TMEM132D: variants seen among roughly 807,000 people sequenced by gnomAD.
TMEM132D encodes mature OL transmembrane protein.
Under a neutral mutation model 62.3 loss-of-function variants are expected in TMEM132D, and 21 were observed. The observed-to-expected ratio is 0.34, with a 90% CI of 0.24 to 0.49. The LOEUF (loss-of-function observed/expected upper bound fraction) is 0.49, where lower values mean the gene tolerates loss of function less well. Among genes scored for constraint, TMEM132D ranks in the 20% least tolerant of loss-of-function variants. The pLI is 0.99. For missense variants in TMEM132D, 1,346 were observed against 1,402.8 expected (o/e 0.96, Z 0.65); for synonymous variants, 621 against 575.6 (o/e 1.08, Z -1.13).
At chr12:129,458,787 C>T (rs918349987) in intron 3 of TMEM132D, among the ~76,000 whole-genome samples, 2 of 152,132 alleles carry the variant, frequency 1.3e-5, no homozygotes, top group Non-Finnish European at 2.9e-5. Context: ...GGAACACACA[C>T]GTAAATCAGC....
intron 2 of TMEM132D, among the ~76,000 whole-genome samples, chr12:129,555,148 T>A (rs766905974): frequency 6.6e-6 from 1 of 152,196 alleles, no homozygotes; most frequent in Non-Finnish European, 1.5e-5. Context: ...CATTTCCACG[T>A]TGGAAAAGGA....
chr12:129,307,914 C>CTAT (rs1346577608), intron 4 of TMEM132D, among the ~76,000 whole-genome samples: 1 of 152,204 alleles, frequency 6.6e-6, no homozygotes, highest in East Asian at 1.9e-4. Context: ...CACATCCTAA[C>CTAT]TATTACACTA....
At position 129,529,441 on chromosome 12, in the gene TMEM132D, G is replaced by GC. The variant is rs914501779; in HGVS notation, c.1115+1617dup. On this transcript the variant is annotated intron_variant, in intron 3 of 8. Transcript: ENST00000422113. Reference sequence around the variant, plus strand: ...TTCAATGGGAAGGAGCCACCATTGGGCCCCCCCATGCTCTCTCTCTGTGTC... The same window carrying GC: ...TTCAATGGGAAGGAGCCACCATTGGGCCCCCCCCATGCTCTCTCTCTGTGTC... Among the ~76,000 whole-genome samples the GC allele has an allele frequency of 3.9e-5, 6 of 152,204 alleles. No homozygotes were observed. The East Asian group carries it at 7.7e-4, about 20-fold the overall frequency.
rs536058947 is a variant in TMEM132D at position 129,658,474 on chromosome 12, T to C, written c.968+41336A>G. On this transcript the variant is annotated intron_variant, in intron 2 of 8. Transcript: ENST00000422113. ...TAAATGCGGCCTCTACAAACAAGCA[T>C]TTACAGACTAGATTAGCAAACACCA... is the stretch of plus-strand genomic sequence containing the variant. Among the ~76,000 whole-genome samples, 14 of 152,250 alleles carry C rather than the reference T, an allele frequency of 9.2e-5. No individual in the cohort carries two copies. In the South Asian group the frequency reaches 2.7e-3, roughly 29 times the overall value.
intron 3 of TMEM132D, among the ~76,000 whole-genome samples, chr12:129,380,669 C>T (rs1255203869): frequency 1.3e-5 from 2 of 152,016 alleles, no homozygotes; most frequent in African/African-American, 4.8e-5. Context: ...CAGTTCTATC[C>T]CCACAAGGCT....
At chr12:129,680,288 G>T (rs1481973611) in intron 2 of TMEM132D, among the ~76,000 whole-genome samples, 1 of 152,036 alleles carries the variant, frequency 6.6e-6, no homozygotes, top group African/African-American at 2.4e-5. Context: ...ATACATCCTT[G>T]GATGATCTCT....
chr12:129,752,321 G>A (rs1289031665), intron 1 of TMEM132D, among the ~76,000 whole-genome samples: 1 of 152,196 alleles, frequency 6.6e-6, no homozygotes, highest in East Asian at 1.9e-4. Flanking sequence ...CTCCAAGAGT[G>A]TGAGACTTAA....
rs186738533 is a variant in TMEM132D at position 129,893,010 on chromosome 12, G to C, written c.79+10251C>G. Among the ~76,000 whole-genome samples the C allele has an allele frequency of 1.1e-3, 163 of 152,184 alleles. 1 individual carries two copies. Among genetic ancestry groups the C allele is most frequent in the African/African-American group, 3.8e-3 (156 of 41,522 alleles). On this transcript the variant is annotated intron_variant, in intron 1 of 8. Coordinates refer to ENST00000422113, the MANE Select transcript of TMEM132D (RefSeq NM_133448.3). Reference sequence around the variant, plus strand: ...TCCTGCCTCAGCCTTCTGAGTAGCTGGCACTACAGGCACATGGCACCACGC... The same window carrying C: ...TCCTGCCTCAGCCTTCTGAGTAGCTCGCACTACAGGCACATGGCACCACGC...
chr12:129,521,957 G>A (rs1040157388), intron 3 of TMEM132D: 2 of 151,866 alleles, frequency 1.3e-5, no homozygotes, highest in South Asian at 2.1e-4. Context: ...TTGCAGTGAC[G>A]GCTGAACAAC....
At chr12:129,746,092 T>C (rs1869767398) in intron 1 of TMEM132D, among the ~76,000 whole-genome samples, 1 of 152,134 alleles carries the variant, frequency 6.6e-6, no homozygotes, top group Non-Finnish European at 1.5e-5. Context: ...CAAAAGCCAA[T>C]GAATCCACTT....
intron 5 of TMEM132D, among the ~76,000 whole-genome samples, chr12:129,209,164 T>C (rs976881949): frequency 6.6e-6 from 1 of 152,184 alleles, no homozygotes; most frequent in Non-Finnish European, 1.5e-5. Flanking sequence ...ATCTAGGTTC[T>C]AGGGCTCCTT....
At chr12:129,385,085 CTTTTTTTTTTTTT>C (rs869098367) in intron 3 of TMEM132D, among the ~76,000 whole-genome samples, 2 of 86,892 alleles carry the variant, frequency 2.3e-5, no homozygotes, top group Middle Eastern at 6.8e-3. Context: ...TGTTAAAGTT[CTTTTTTTTTTTTT>C]TTTTTTTTTT....
At chr12:129,852,668 CA>C (rs1873584884) in intron 1 of TMEM132D, 1 of 152,188 alleles carries the variant, frequency 6.6e-6, no homozygotes, top group African/African-American at 2.4e-5. Flanking sequence ...GCAGTCAGAT[CA>C]GGGGTGATCT....
chr12:129,437,730 CT>C (rs111440235), intron 3 of TMEM132D, among the ~76,000 whole-genome samples: 61,053 of 147,392 alleles, frequency 0.41, 12,476 homozygotes, highest in South Asian at 0.55. Flanking sequence ...ATGCTCATTT[CT>C]TTTTTTTTTT....
In TMEM132D at chr12:129,236,844, A is replaced by G. The variant is rs535966595; in HGVS notation, c.1300-27181T>C. 9.2e-5 allele frequency among the ~76,000 whole-genome samples: 14 copies of G among 152,256 alleles called. No homozygotes were observed. In the South Asian group the frequency reaches 1.2e-3, roughly 14 times the overall value. On this transcript the variant is annotated intron_variant, in intron 4 of 8. Transcript: ENST00000422113. Reference sequence around the variant, plus strand: ...TGTGTTTAGATTTTCACCCTTGAGTATGATGTTAGTTGTGAGTTTTTCATA... The same window carrying G: ...TGTGTTTAGATTTTCACCCTTGAGTGTGATGTTAGTTGTGAGTTTTTCATA...
chr12:129,207,214 C>T (rs866657809), intron 5 of TMEM132D, among the ~76,000 whole-genome samples: 4 of 151,912 alleles, frequency 2.6e-5, no homozygotes, highest in African/African-American at 7.2e-5. Context: ...ACCGCCCTCA[C>T]GGAGCTTAAG....
intron 5 of TMEM132D, among the ~76,000 whole-genome samples, chr12:129,161,181 G>A (rs1175917040): frequency 6.6e-6 from 1 of 152,214 alleles, no homozygotes; most frequent in East Asian, 1.9e-4. Context: ...AGGAAGGAGG[G>A]ATGTCATTCT....
chr12:129,638,696 T>C lies in TMEM132D; in HGVS notation c.968+61114A>G, dbSNP rs971742547. 2.6e-5 allele frequency among the ~76,000 whole-genome samples: 4 copies of C among 151,942 alleles called. No homozygotes were observed. The East Asian group carries it at 7.8e-4, about 30-fold the overall frequency. ...GGAATTCTTTCTGCAGTTTCCGGTA[T>C]CATCAGTATCTCTTGCTAAAATGTC... On this transcript the variant is annotated intron_variant, in intron 2 of 8. Transcript: ENST00000422113.
chr12:129,699,666 T>G (rs1049661369), intron 2 of TMEM132D, 144 bp downstream of exon 2: 1 of 977,102 alleles, frequency 1.0e-6, no homozygotes, highest in South Asian at 1.7e-5. Context: ...GTCTCTGTAT[T>G]CCACGGTGCA....
Sources: gnomAD v4.1 joint callset for allele counts (sites outside exome capture counted in the v4.1 genomes callset) on GRCh38, gnomAD v4.1.1 for gene constraint, MANE v1.5 for transcripts, NCBI Gene and HGNC (gene_info 2026-07-23, HGNC 2026-07-21) for gene names.